CHEK2: variants seen among roughly 807,000 people sequenced by gnomAD.
CHEK2 encodes checkpoint kinase 2.
In CHEK2, 71 loss-of-function variants were observed where a neutral mutation model predicts 69.1. That is an observed-to-expected ratio of 1.03 (90% confidence interval 0.85 to 1.25). CHEK2 has a LOEUF of 1.25. CHEK2 is among the 50% of genes most tolerant of loss of function. The pLI is 0.00. For missense variants in CHEK2, 664 were observed against 649.6 expected (o/e 1.02, Z -0.24); for synonymous variants, 189 against 226.9 (o/e 0.83, Z 1.50).
chr22:28,691,389 G>T (rs2052357473), intron 13 of CHEK2, among the ~76,000 whole-genome samples: 1 of 152,216 alleles, frequency 6.6e-6, no homozygotes, highest in South Asian at 2.1e-4. Context: ...TGATGCAGGA[G>T]AATCACTTGA....
intron 2 of CHEK2, among the ~76,000 whole-genome samples, chr22:28,731,341 G>C (rs893108524): frequency 6.6e-6 from 1 of 152,212 alleles, no homozygotes; most frequent in South Asian, 2.1e-4. Context: ...GCTCGCGCCT[G>C]TAATCCCACC....
At chr22:28,690,932 C>T (rs1421487580) in intron 13 of CHEK2, among the ~76,000 whole-genome samples, 5 of 151,500 alleles carry the variant, frequency 3.3e-5, no homozygotes, top group Non-Finnish European at 5.9e-5. Context: ...CAGTGGCTCA[C>T]GCCTGTAATC....
rs747655283 is a variant in CHEK2 at position 28,696,977 on chromosome 22, T to C, written c.1019A>G (p.Glu340Gly). The C allele has an allele frequency of 6.2e-7, 1 of 1,610,510 alleles. No homozygotes were observed. Among genetic ancestry groups the C allele is most frequent in the African/African-American group, 1.3e-5 (1 of 74,852 alleles). The change falls in exon 10 of 15, where the codon GAA (glutamate) becomes GGA (glycine). Residue 340 changes from glutamate to glycine, a missense_variant. Glu to Gly is a moderately conservative substitution (Grantham distance 98). Coordinates refer to ENST00000404276, the MANE Select transcript of CHEK2 (RefSeq NM_007194.4). ...TAAGTCACGGTGTATAATACCGTTTTCATGAAGGTACTACACAGAAAGGCA... is the reference window on the plus strand; with the variant it reads ...TAAGTCACGGTGTATAATACCGTTTCCATGAAGGTACTACACAGAAAGGCA... ...QMLLAVQYLHENGIIHRDLKP... is the reference protein window; with the variant it reads ...QMLLAVQYLHGNGIIHRDLKP...
intron 5 of CHEK2, among the ~76,000 whole-genome samples, chr22:28,716,730 A>G (rs1435709245): frequency 6.6e-6 from 1 of 152,138 alleles, no homozygotes; most frequent in African/African-American, 2.4e-5. Flanking sequence ...AGGAAGGGGG[A>G]TGAAGAACAT....
chr22:28,715,626 G>A (rs116060477), intron 5 of CHEK2, among the ~76,000 whole-genome samples: 2,223 of 151,930 alleles, frequency 0.015, 61 homozygotes, highest in African/African-American at 0.051. Context: ...TACTGTGTCA[G>A]CCCGGCTGGT....
At chr22:28,733,922 CAAAAAAAAA>C (rs545037765) in intron 2 of CHEK2, among the ~76,000 whole-genome samples, 1 of 84,078 alleles carries the variant, frequency 1.2e-5, no homozygotes, top group African/African-American at 4.5e-5. Context: ...ACTCCGTTGC[CAAAAAAAAA>C]AAAAAAAAAA....
At chr22:28,739,931 A>G (rs1376315567) in intron 1 of CHEK2, among the ~76,000 whole-genome samples, 1 of 152,156 alleles carries the variant, frequency 6.6e-6, no homozygotes, top group South Asian at 2.1e-4. Flanking sequence ...GGCCATGTAC[A>G]GTGGCTCACG....
intron 8 of CHEK2, among the ~76,000 whole-genome samples, chr22:28,700,442 T>C (rs1189703290): frequency 6.6e-6 from 1 of 152,132 alleles, no homozygotes; most frequent in Non-Finnish European, 1.5e-5. Flanking sequence ...CTCAAATTCC[T>C]GGCCTCAAGT....
At chr22:28,741,165 A>G (rs1055692985) in intron 1 of CHEK2, among the ~76,000 whole-genome samples, 25 of 151,728 alleles carry the variant, frequency 1.6e-4, no homozygotes, top group Admixed American at 3.3e-4. Context: ...AAAAAAAAAA[A>G]AAAAAAAGGT....
At position 28,723,577 on chromosome 22, in the gene CHEK2, G is replaced by A. The variant is rs573822771; in HGVS notation, c.592+1400C>T. 3.6e-4 allele frequency among the ~76,000 whole-genome samples: 47 copies of A among 130,268 alleles called. 1 individual carries two copies. In the South Asian group the frequency reaches 0.011, roughly 31 times the overall value. The allele number at this position is 130,268 out of a possible 152,430, so 85.5% of individuals were successfully genotyped here. On this transcript the variant is annotated intron_variant, in intron 4 of 14. Coordinates refer to ENST00000404276, the MANE Select transcript of CHEK2 (RefSeq NM_007194.4). ...CGCGCCACTGCACTCCAGCCTGGGC[G>A]ACAGAGCAAGGCTCCGTCACAAGGA...
At chr22:28,702,707 C>A (rs532406399) in intron 8 of CHEK2, among the ~76,000 whole-genome samples, 1 of 151,784 alleles carries the variant, frequency 6.6e-6, no homozygotes, top group Non-Finnish European at 1.5e-5. Context: ...CCACCACACT[C>A]GGCTAATTTT....
chr22:28,704,678 G>A (rs17884261), intron 7 of CHEK2, among the ~76,000 whole-genome samples: 1,577 of 152,214 alleles, frequency 0.01, 35 homozygotes, highest in African/African-American at 0.036. Flanking sequence ...AGACAGTTAA[G>A]CTCAGTGGGT....
intron 14 of CHEK2, 74 bp from the exon 15 acceptor site, chr22:28,688,060 A>C (rs1289386821): frequency 6.5e-5 from 76 of 1,177,808 alleles, no homozygotes; most frequent in Non-Finnish European, 4.1e-5. Flanking sequence ...AAGTTCCTCA[A>C]TATGCTTCCA....
chr22:28,708,401 G>C lies in CHEK2; in HGVS notation c.846+1605C>G, dbSNP rs190837039. Among the ~76,000 whole-genome samples the C allele has an allele frequency of 3.2e-3, 476 of 150,122 alleles. 1 individual carries two copies. The highest frequency in any genetic ancestry group is 8.5e-3 in the Admixed American group (127 of 15,000). ...TGTGTGTGTGTGTGTGTGTGTGTGT[G>C]TTAAAGAGAGACTCCAAATCTCTTG... On this transcript the variant is annotated intron_variant, in intron 7 of 14. Coordinates refer to ENST00000404276, the MANE Select transcript of CHEK2 (RefSeq NM_007194.4).
chr22:28,734,815 CAAAAG>C, intron 1 of CHEK2, 88 bp from the exon 2 acceptor site: 1 of 758,188 alleles, frequency 1.3e-6, no homozygotes, highest in Non-Finnish European at 2.0e-6. Context: ...ATTACAACAG[CAAAAG>C]AAAAGAAAAA....
Position 28,687,840 on chromosome 22 carries a change from A to G in CHEK2, c.*57T>C. On this transcript the variant is annotated 3_prime_UTR_variant, in exon 15 of 15. Coordinates refer to ENST00000404276, the MANE Select transcript of CHEK2 (RefSeq NM_007194.4). ...AACTATAAAAAAACAGACTCAAAGA[A>G]AAGAAAGATGACAGAGTGAAAGAAG... The G allele has an allele frequency of 7.5e-7, 1 of 1,331,990 alleles. No homozygotes were observed. Among genetic ancestry groups the G allele is most frequent in the Admixed American group, 1.7e-5 (1 of 58,552 alleles). The allele number at this position is 1,331,990 out of a possible 1,614,324, so 82.5% of individuals were successfully genotyped here.
At chr22:28,706,995 G>T (rs766903753) in intron 7 of CHEK2, among the ~76,000 whole-genome samples, 11 of 152,128 alleles carry the variant, frequency 7.2e-5, no homozygotes, top group Non-Finnish European at 1.5e-4. Flanking sequence ...AGGAAAAAGG[G>T]AACTGCTTGG....
intron 2 of CHEK2, among the ~76,000 whole-genome samples, chr22:28,732,531 G>A (rs2054251202): frequency 6.6e-6 from 1 of 152,164 alleles, no homozygotes; most frequent in South Asian, 2.1e-4. Context: ...ACAGGCATGA[G>A]CCACAATGCC....
chr22:28,741,425 C>A (rs1257050802), intron 1 of CHEK2, among the ~76,000 whole-genome samples: 2 of 151,430 alleles, frequency 1.3e-5, no homozygotes, highest in Non-Finnish European at 2.9e-5. Context: ...CGCCCAGTAG[C>A]TAAGACTGGC....
Sources: gnomAD v4.1 joint callset for allele counts (sites outside exome capture counted in the v4.1 genomes callset) on GRCh38, gnomAD v4.1.1 for gene constraint, MANE v1.5 for transcripts, NCBI Gene and HGNC (gene_info 2026-07-23, HGNC 2026-07-21) for gene names.